SLC23A1: variants seen among roughly 807,000 people sequenced by gnomAD.
SLC23A1 encodes the protein solute carrier family 23 member 1.
In SLC23A1, 31 loss-of-function variants were observed where a neutral mutation model predicts 62.5. The ratio of observed to expected loss-of-function variants is 0.50; its 90% CI spans 0.37 to 0.67. The LOEUF (loss-of-function observed/expected upper bound fraction) is 0.67, where lower values mean the gene tolerates loss of function less well. Ranked by LOEUF, SLC23A1 falls within the 30% of genes least tolerant of loss-of-function variation. SLC23A1 has a pLI of 0.00. For synonymous variants in SLC23A1, 271 were observed against 313.2 expected, an observed-to-expected ratio of 0.87 and a Z score of 1.42; for missense variants, 640 against 782.7, an observed-to-expected ratio of 0.82 and a Z score of 2.18.
intron 1 of SLC23A1, 35 bp downstream of exon 1, chr5:139,383,182 CT>C (rs1758369204): frequency 1.1e-5 from 3 of 282,282 alleles, no homozygotes; most frequent in African/African-American, 7.5e-5. Context: ...CCCACCCCCC[CT>C]GCCCCCCCTA....
Position 139,382,024 on chromosome 5 carries a change from G to A in SLC23A1, c.176C>T (p.Thr59Ile), listed in dbSNP as rs772011654. 6.2e-7 allele frequency: 1 copy of A among 1,609,360 alleles called. No individual in the cohort carries two copies. Among genetic ancestry groups the A allele is most frequent in the African/African-American group, 1.3e-5 (1 of 74,990 alleles). The change falls in exon 3 of 15, where the codon ACC (threonine) becomes ATC (isoleucine). Residue 59 changes from threonine (T) to isoleucine (I), a missense_variant. By Grantham distance (89) the Thr-to-Ile change is moderately conservative. Transcript: ENST00000348729. The stretch of plus-strand genomic sequence containing the variant: ...AGCCAGCAGGAAGGGCACGGCGATG[G>A]TACCACTGAAGCATGTCAGGTAGTG... ...FQHYLTCFSG[T>I]IAVPFLLAEA...
rs768204916 is a variant in SLC23A1, at chr5:139,379,644, T to C, written c.925+34A>G. 1.3e-5 allele frequency: 21 copies of C among 1,577,782 alleles called. No homozygotes were observed. The highest frequency in any genetic ancestry group is 2.3e-5 in the East Asian group (1 of 43,586). ...GAGTCTGTCTCATAGGTGGTCTCAG[T>C]TGGGGGCAGAGGGGCCCAAGGGGTG... is the stretch of plus-strand genomic sequence containing the variant. On this transcript the variant is annotated intron_variant, in intron 8 of 14. Coordinates refer to ENST00000348729, the MANE Select transcript of SLC23A1 (RefSeq NM_005847.5). This position sits in a 1 kb window ranked among gnomAD's most constrained non-coding sequence, Gnocchi z 4.7.
chr5:139,377,836 C>T (rs1218459929), intron 12 of SLC23A1, 139 bp downstream of exon 12: 1 of 783,512 alleles, frequency 1.3e-6, no homozygotes, highest in African/African-American at 1.7e-5. Flanking sequence ...CAGCTGTGAC[C>T]CAAGCTCTCA....
Position 139,372,017 on chromosome 5 carries a change from T to TGCACA in SLC23A1, c.1781_1785dup (p.Thr596CysfsTer8), listed in dbSNP as rs1303352114. The TGCACA allele has an allele frequency of 1.2e-6, 2 of 1,613,840 alleles. No individual in the cohort carries two copies. The highest frequency in any genetic ancestry group is 1.7e-6 in the Non-Finnish European group (2 of 1,179,722). On this transcript the variant is annotated frameshift_variant, in exon 14 of 15. Coordinates refer to ENST00000348729, the MANE Select transcript of SLC23A1 (RefSeq NM_005847.5). LOFTEE classifies it high-confidence loss of function. ...CTGGAAGTCATTTTTCAGACCTTGG[T>TGCACA]GCACACAGATGCAGTTTCTGTATTT... is the stretch of plus-strand genomic sequence containing the variant.
chr5:139,384,031 A>G (rs554472927), upstream of SLC23A1, among the ~76,000 whole-genome samples: 139 of 152,336 alleles, frequency 9.1e-4, no homozygotes, highest in African/African-American at 3.1e-3. Context: ...TCTGGGACCC[A>G]GTGCAAAGTA....
intron 14 of SLC23A1, chr5:139,369,047 A>G (rs1043353624): frequency 2.8e-6 from 1 of 363,406 alleles, no homozygotes; most frequent in Admixed American, 4.6e-5. Context: ...GCACCAGTCA[A>G]GTTGTGAACA....
At position 139,379,634 on chromosome 5, in the gene SLC23A1, G is replaced by A; in HGVS notation, c.925+44C>T. Reference sequence around the variant, plus strand: ...GGGTCACCAGGAGTCTGTCTCATAGGTGGTCTCAGTTGGGGGCAGAGGGGC... The same window carrying A: ...GGGTCACCAGGAGTCTGTCTCATAGATGGTCTCAGTTGGGGGCAGAGGGGC... On this transcript the variant is annotated intron_variant, in intron 8 of 14. Coordinates refer to ENST00000348729, the MANE Select transcript of SLC23A1 (RefSeq NM_005847.5). This position sits in a 1 kb window ranked among gnomAD's most constrained non-coding sequence, Gnocchi z 4.7. 1.3e-6 allele frequency: 2 copies of A among 1,554,516 alleles called. No individual in the cohort carries two copies. The highest frequency in any genetic ancestry group is 1.8e-6 in the Non-Finnish European group (2 of 1,139,530).
Position 139,379,096 on chromosome 5 carries a change from GCGTGTTCC to G in SLC23A1, c.1073+103_1073+110del. ...ACAAACAAGGAGAATGAGGTCTGGAGCGTGTTCCCGACTTGCCTAAGCCTACCCCCTGG... is the reference window on the plus strand; with the variant it reads ...ACAAACAAGGAGAATGAGGTCTGGAGCGACTTGCCTAAGCCTACCCCCTGG... On this transcript the variant is annotated intron_variant, in intron 9 of 14. Transcript: ENST00000348729. This position sits in a 1 kb window ranked among gnomAD's most constrained non-coding sequence, Gnocchi z 4.7. The G allele has an allele frequency of 1.9e-6, 2 of 1,054,984 alleles. No homozygotes were observed. Among genetic ancestry groups the G allele is most frequent in the Non-Finnish European group, 2.9e-6 (2 of 693,194 alleles). 65.4% of individuals were successfully genotyped at this position (1,054,984 alleles called of 1,614,324 possible).
intron 14 of SLC23A1, among the ~76,000 whole-genome samples, chr5:139,368,162 C>T (rs573372014): frequency 3.9e-5 from 6 of 152,180 alleles, no homozygotes; most frequent in East Asian, 1.9e-4. Context: ...GGTGAAACCC[C>T]GTCTTTACTA....
At chr5:139,369,261 T>C (rs1757499645) in intron 14 of SLC23A1, 1 of 153,364 alleles carries the variant, frequency 6.5e-6, no homozygotes, top group Non-Finnish European at 1.5e-5. Flanking sequence ...TGAGATAATT[T>C]GTTAAAGGCA....
At chr5:139,381,614 CA>C (rs904456829) in intron 3 of SLC23A1, among the ~76,000 whole-genome samples, 2,842 of 55,798 alleles carry the variant, frequency 0.051, 8 homozygotes, top group Middle Eastern at 0.12. Flanking sequence ...ACTCCGTCTC[CA>C]AAAAAAAAAA....
rs377255684 is a variant in SLC23A1, at chr5:139,381,452, G to A, written c.308+440C>T. On this transcript the variant is annotated intron_variant, in intron 3 of 14. Transcript: ENST00000348729. Reference sequence around the variant, plus strand: ...GCAGATACAAATACAAAATTAGCCGGGCATGGTGGCGCATGCCTGTAATCC... The same window carrying A: ...GCAGATACAAATACAAAATTAGCCGAGCATGGTGGCGCATGCCTGTAATCC... Among the ~76,000 whole-genome samples the A allele has an allele frequency of 9.2e-5, 14 of 152,080 alleles. No individual in the cohort carries two copies. In the East Asian group the frequency reaches 2.3e-3, roughly 25 times the overall value.
At position 139,372,826 on chromosome 5, in the gene SLC23A1, GC is replaced by G. The variant is rs1448297336; in HGVS notation, c.1550-574del. ...TCTTGAACTCCTGACCTTGTGATCTGCCTGGCTTGGCCTCCCAAAGTGCTGG... is the reference window on the plus strand; with the variant it reads ...TCTTGAACTCCTGACCTTGTGATCTGCTGGCTTGGCCTCCCAAAGTGCTGG... On this transcript the variant is annotated intron_variant, in intron 13 of 14. Coordinates refer to ENST00000348729, the MANE Select transcript of SLC23A1 (RefSeq NM_005847.5). Among the ~76,000 whole-genome samples, 15 of 152,172 alleles carry G rather than the reference GC, an allele frequency of 9.9e-5. No individual in the cohort carries two copies. In the East Asian group the frequency reaches 1.7e-3, roughly 18 times the overall value.
intron 13 of SLC23A1, among the ~76,000 whole-genome samples, chr5:139,372,785 A>G (rs1181056898): frequency 6.6e-6 from 1 of 152,008 alleles, no homozygotes; most frequent in African/African-American, 2.4e-5. Flanking sequence ...GGGTGTCACT[A>G]TGTTGGTCAG....
chr5:139,381,757 GGGATAGGA>G (rs1356150983), intron 3 of SLC23A1, 127 bp downstream of exon 3: 2 of 701,846 alleles, frequency 2.8e-6, no homozygotes, highest in Non-Finnish European at 4.9e-6. Flanking sequence ...AGGCTGGCCT[GGGATAGGA>G]GAAGCAGGTG....
upstream of SLC23A1, among the ~76,000 whole-genome samples, chr5:139,385,264 T>G (rs1238250689): frequency 5.9e-5 from 9 of 152,246 alleles, no homozygotes; most frequent in Non-Finnish European, 1.3e-4. Context: ...CAAACGAAAC[T>G]GAAAGTTCTG....
chr5:139,385,254 C>T (rs530048993), upstream of SLC23A1, among the ~76,000 whole-genome samples: 1 of 152,244 alleles, frequency 6.6e-6, no homozygotes, highest in East Asian at 1.9e-4. Flanking sequence ...GAGACACTCA[C>T]AAACGAAACT....
At chr5:139,376,820 G>A (rs1184269453) in intron 13 of SLC23A1, among the ~76,000 whole-genome samples, 1 of 152,156 alleles carries the variant, frequency 6.6e-6, no homozygotes, top group Non-Finnish European at 1.5e-5. Context: ...CAGCCCAGTG[G>A]CTATTAAGAA....
chr5:139,374,838 C>T (rs187068324), intron 13 of SLC23A1, among the ~76,000 whole-genome samples: 55 of 152,300 alleles, frequency 3.6e-4, no homozygotes, highest in Middle Eastern at 3.4e-3. Context: ...CAGATGCTCT[C>T]CATCTCCTCA....
Sources: gnomAD v4.1 joint callset for allele counts (sites outside exome capture counted in the v4.1 genomes callset) on GRCh38, gnomAD v4.1.1 for gene constraint, Gnocchi (gnomAD v3.1) non-coding constraint, MANE v1.5 for transcripts, NCBI Gene and HGNC (gene_info 2026-07-23, HGNC 2026-07-21) for gene names.